Variants in TENM4 observed in about 807,000 individuals in gnomAD.
The protein encoded by TENM4 is teneurin-4.
TENM4 carries 82 observed loss-of-function variants against 243.3 expected under a neutral mutation model. That is an observed-to-expected ratio of 0.34 (90% CI 0.28 to 0.40). The LOEUF is 0.40. Among genes scored for constraint, TENM4 ranks in the 10% least tolerant of loss-of-function variants. The pLI is 1.00. For synonymous variants in TENM4, 1,412 were observed against 1,456.3 expected (o/e 0.97, Z 0.69); for missense variants, 3,138 against 3,673.3 (o/e 0.85, Z 3.77).
chr11:79,090,046 A>G lies in TENM4; in HGVS notation c.-65-20037T>C, dbSNP rs1488530327. Among the ~76,000 whole-genome samples the G allele has an allele frequency of 2.6e-5, 4 of 152,214 alleles. No homozygotes were observed. The East Asian group carries it at 7.7e-4, about 29-fold the overall frequency. Reference sequence around the variant, plus strand: ...GGCAGATGTGGCTTTGAAGCTGTGAAGCACTATACAAATATATGTTTTTCT... The same window carrying G: ...GGCAGATGTGGCTTTGAAGCTGTGAGGCACTATACAAATATATGTTTTTCT... On this transcript the variant is annotated intron_variant, in intron 4 of 33. Coordinates refer to ENST00000278550, the MANE Select transcript of TENM4 (RefSeq NM_001098816.3).
rs769986352 is a variant in TENM4 at position 79,426,717 on chromosome 11, A to G, written c.-321+13792T>C. On this transcript the variant is annotated intron_variant, in intron 1 of 33. Coordinates refer to ENST00000278550, the MANE Select transcript of TENM4 (RefSeq NM_001098816.3). ...AATTTGAGGCCTGTGAACCAGAAGGACGGAGTTACCATTAGCTGAGCTAGG... is the reference window on the plus strand; with the variant it reads ...AATTTGAGGCCTGTGAACCAGAAGGGCGGAGTTACCATTAGCTGAGCTAGG... 5.3e-5 allele frequency among the ~76,000 whole-genome samples: 8 copies of G among 152,328 alleles called. No individual in the cohort carries two copies. The East Asian group carries it at 1.5e-3, about 29-fold the overall frequency.
chr11:79,208,328 C>A (rs139934840), intron 3 of TENM4, among the ~76,000 whole-genome samples: 7 of 152,326 alleles, frequency 4.6e-5, no homozygotes, highest in African/African-American at 1.7e-4. Flanking sequence ...TGACAGATTG[C>A]TGAGGCTTGC....
chr11:79,409,260 T>A lies in TENM4; in HGVS notation c.-321+31249A>T, dbSNP rs200411856. Reference sequence around the variant, plus strand: ...TTGGCATTGGAGCTAAAAATAGCTGTGTGGTAGAGTGGTGGGAACACTTGG... The same window carrying A: ...TTGGCATTGGAGCTAAAAATAGCTGAGTGGTAGAGTGGTGGGAACACTTGG... On this transcript the variant is annotated intron_variant, in intron 1 of 33. Coordinates refer to ENST00000278550, the MANE Select transcript of TENM4 (RefSeq NM_001098816.3). 4.0e-4 allele frequency among the ~76,000 whole-genome samples: 60 copies of A among 151,838 alleles called. No homozygotes were observed. The East Asian group carries it at 9.1e-3, about 23-fold the overall frequency.
At chr11:79,378,820 C>G (rs935049279) in intron 1 of TENM4, among the ~76,000 whole-genome samples, 1 of 147,214 alleles carries the variant, frequency 6.8e-6, no homozygotes, top group African/African-American at 2.5e-5. Context: ...GAAGTTGAGG[C>G]TGTAGTGAGC....
At chr11:78,982,976 G>T (rs1243622262) in intron 6 of TENM4, among the ~76,000 whole-genome samples, 1 of 152,224 alleles carries the variant, frequency 6.6e-6, no homozygotes, top group Non-Finnish European at 1.5e-5. Context: ...GGTCTGAGGA[G>T]TTAGCTCCCT....
At chr11:78,743,339 G>T (rs1565359672) in intron 19 of TENM4, among the ~76,000 whole-genome samples, 1 of 152,158 alleles carries the variant, frequency 6.6e-6, no homozygotes, top group Non-Finnish European at 1.5e-5. Context: ...GTCCCTTACT[G>T]CTATATTCCC....
chr11:79,430,653 A>G (rs935009502), intron 1 of TENM4, among the ~76,000 whole-genome samples: 4 of 152,180 alleles, frequency 2.6e-5, no homozygotes, highest in Non-Finnish European at 5.9e-5. Flanking sequence ...CAGCCATGAG[A>G]TATGGGGTAG....
intron 1 of TENM4, among the ~76,000 whole-genome samples, chr11:79,308,780 G>A (rs1372868693): frequency 6.6e-6 from 1 of 152,132 alleles, no homozygotes; most frequent in African/African-American, 2.4e-5. Flanking sequence ...TCCTGAGTGC[G>A]AGACCCACAG....
chr11:78,865,752 G>T (rs977005858), intron 9 of TENM4, among the ~76,000 whole-genome samples: 1 of 152,104 alleles, frequency 6.6e-6, no homozygotes, highest in Non-Finnish European at 1.5e-5. Context: ...AACGAGATCC[G>T]ACACTTTGCT....
At chr11:79,321,035 T>A (rs1244526274) in intron 1 of TENM4, among the ~76,000 whole-genome samples, 1 of 152,240 alleles carries the variant, frequency 6.6e-6, no homozygotes, top group Non-Finnish European at 1.5e-5. Context: ...TGTGCATTTA[T>A]CCTAGCAATT....
chr11:78,977,931 A>G (rs1482249836), intron 6 of TENM4, among the ~76,000 whole-genome samples: 1 of 152,234 alleles, frequency 6.6e-6, no homozygotes, highest in African/African-American at 2.4e-5. Context: ...ACGGTTCACA[A>G]TAGCAAAGAC....
At chr11:79,320,714 G>A (rs912909528) in intron 1 of TENM4, among the ~76,000 whole-genome samples, 32 of 152,164 alleles carry the variant, frequency 2.1e-4, no homozygotes, top group African/African-American at 6.5e-4. Flanking sequence ...ATTCTGTGCC[G>A]ATAATGATGA....
intron 1 of TENM4, among the ~76,000 whole-genome samples, chr11:79,428,164 A>G (rs539024156): frequency 1.7e-4 from 26 of 152,214 alleles, no homozygotes; most frequent in Non-Finnish European, 3.2e-4. Flanking sequence ...CCATGCTCCC[A>G]CCCACTGAAT....
At chr11:79,073,056 C>T (rs1159926093) in intron 4 of TENM4, among the ~76,000 whole-genome samples, 1 of 152,152 alleles carries the variant, frequency 6.6e-6, no homozygotes, top group African/African-American at 2.4e-5. Flanking sequence ...GTTAAGTATG[C>T]TGCCCAAGGT....
chr11:78,730,169 C>A (rs1169576646), intron 21 of TENM4, among the ~76,000 whole-genome samples: 1 of 152,214 alleles, frequency 6.6e-6, no homozygotes, highest in Non-Finnish European at 1.5e-5. Flanking sequence ...AGGTAAAGTG[C>A]CTAGCACAGA....
chr11:78,968,330 G>T (rs1857477633), intron 6 of TENM4, among the ~76,000 whole-genome samples: 1 of 152,168 alleles, frequency 6.6e-6, no homozygotes, highest in Admixed American at 6.5e-5. Context: ...TGTCACCCAG[G>T]CTGGAGTGTC....
chr11:78,760,644 C>T (rs531146795), intron 18 of TENM4, among the ~76,000 whole-genome samples: 10 of 152,258 alleles, frequency 6.6e-5, no homozygotes, highest in African/African-American at 2.2e-4. Flanking sequence ...ACACCATGGC[C>T]GTTTAATTAG....
chr11:79,290,344 C>T (rs1244734994), intron 2 of TENM4, among the ~76,000 whole-genome samples: 1 of 152,184 alleles, frequency 6.6e-6, no homozygotes, highest in Non-Finnish European at 1.5e-5. Flanking sequence ...AACATAGCAA[C>T]TCTTTAAGGT....
intron 25 of TENM4, among the ~76,000 whole-genome samples, chr11:78,714,236 G>C (rs1273197698): frequency 1.3e-5 from 2 of 152,180 alleles, no homozygotes; most frequent in Non-Finnish European, 2.9e-5. Context: ...TTATTTTACA[G>C]ATTTGTGTTT....
Sources: gnomAD v4.1 joint callset for allele counts (sites outside exome capture counted in the v4.1 genomes callset) on GRCh38, gnomAD v4.1.1 for gene constraint, MANE v1.5 for transcripts, NCBI Gene and HGNC (gene_info 2026-07-23, HGNC 2026-07-21) for gene names.